The following RC3H2 variants were observed in gnomAD, a reference collection of about 807,000 sequenced individuals.
RC3H2 encodes the protein ring finger and CCCH-type domains 2.
RC3H2 carries 31 observed loss-of-function variants against 133.3 expected under a neutral mutation model. The observed-to-expected ratio is 0.23, with a 90% CI of 0.17 to 0.31. The LOEUF (loss-of-function observed/expected upper bound fraction) is 0.31. Among genes scored for constraint, RC3H2 ranks in the 10% least tolerant of loss-of-function variants. The pLI is 1.00. For synonymous variants in RC3H2, 517 were observed against 502.2 expected (o/e 1.03, Z -0.40); for missense variants, 1,175 against 1,437.2 (o/e 0.82, Z 2.95).
intron 18 of RC3H2, among the ~76,000 whole-genome samples, chr9:122,852,682 C>T (rs1301855887): frequency 1.9e-3 from 277 of 148,604 alleles, no homozygotes; most frequent in African/African-American, 6.0e-3. Flanking sequence ...AGGTGAGGGG[C>T]GCCTCTGCCC....
chr9:122,867,596 C>G (rs1313335638), intron 9 of RC3H2, among the ~76,000 whole-genome samples: 2 of 123,126 alleles, frequency 1.6e-5, no homozygotes. Context: ...TCTGCCCGGC[C>G]GCCATCCCAT....
intron 1 of RC3H2, among the ~76,000 whole-genome samples, chr9:122,904,471 T>A (rs965137274): frequency 1.3e-5 from 2 of 152,186 alleles, no homozygotes; most frequent in Non-Finnish European, 2.9e-5. Context: ...TCTTCTAAGA[T>A]GGTGGAAGAG....
At chr9:122,890,212 T>C (rs2131485711) in intron 4 of RC3H2, 100 bp downstream of exon 4, 3 of 816,006 alleles carry the variant, frequency 3.7e-6, no homozygotes, top group Non-Finnish European at 6.2e-6. Context: ...GATTTGTACA[T>C]ATAAAGACGG....
At chr9:122,877,668 T>G (rs1831400661) in intron 8 of RC3H2, 85 bp from the exon 9 acceptor site, 2 of 942,596 alleles carry the variant, frequency 2.1e-6, no homozygotes, top group Non-Finnish European at 3.4e-6. Flanking sequence ...ACTTTATAAT[T>G]ACACCTTTAA....
chr9:122,896,576 C>T (rs1832428664), intron 2 of RC3H2, among the ~76,000 whole-genome samples: 2 of 152,098 alleles, frequency 1.3e-5, no homozygotes, highest in South Asian at 4.1e-4. Context: ...TCGCAGAATA[C>T]AATCATGAAA....
intron 3 of RC3H2, among the ~76,000 whole-genome samples, chr9:122,892,690 G>T (rs1832236237): frequency 1.3e-5 from 2 of 151,988 alleles, no homozygotes; most frequent in South Asian, 4.2e-4. Context: ...GGATTACAGG[G>T]GTGAGCCACC....
chr9:122,851,837 C>T (rs541472122), intron 18 of RC3H2, among the ~76,000 whole-genome samples: 1,560 of 152,322 alleles, frequency 0.01, 5 homozygotes, highest in Non-Finnish European at 0.015. Context: ...GGCGTGATCT[C>T]GGCTCGCTAC....
chr9:122,903,374 T>C (rs748439839), intron 1 of RC3H2, among the ~76,000 whole-genome samples: 11 of 152,244 alleles, frequency 7.2e-5, no homozygotes, highest in East Asian at 1.9e-4. Context: ...TTAGCGTTCT[T>C]AGCTATTGCA....
intron 2 of RC3H2, among the ~76,000 whole-genome samples, chr9:122,895,162 T>A: frequency 6.9e-6 from 1 of 144,340 alleles, no homozygotes; most frequent in East Asian, 2.2e-4. Context: ...GTAGCTAGGT[T>A]TTTTTTTTTT....
At chr9:122,869,275 C>T (rs1830947532) in intron 9 of RC3H2, among the ~76,000 whole-genome samples, 1 of 151,966 alleles carries the variant, frequency 6.6e-6, no homozygotes, top group Admixed American at 6.6e-5. Flanking sequence ...TATTTGGTGT[C>T]ATAATTATAT....
At chr9:122,851,607 C>T in intron 18 of RC3H2, 171 bp from the exon 19 acceptor site, 1 of 831,566 alleles carries the variant, frequency 1.2e-6, no homozygotes, top group Non-Finnish European at 1.8e-6. Context: ...CCTGATTCTC[C>T]TGCCTCAGCC....
At position 122,897,546 on chromosome 9, in the gene RC3H2, A is replaced by G; in HGVS notation, c.-37T>C. 6.3e-7 allele frequency: 1 copy of G among 1,587,502 alleles called. No homozygotes were observed. Among genetic ancestry groups the G allele is most frequent in the Non-Finnish European group, 8.6e-7 (1 of 1,163,996 alleles). On this transcript the variant is annotated 5_prime_UTR_variant, in exon 2 of 21. Transcript: ENST00000357244. ...GATGCTCGGGTTAGCAGTCTAGCAG[A>G]TCATTATTTTGCTGTGTAGTGTTTT...
chr9:122,874,910 CTGTT>C (rs1408613488), intron 9 of RC3H2: 6 of 349,824 alleles, frequency 1.7e-5, no homozygotes, highest in Non-Finnish European at 2.6e-5. Flanking sequence ...AATGTGAAGT[CTGTT>C]TGAAGGTATG....
At chr9:122,854,108 GAA>G (rs752217691) in intron 17 of RC3H2, 22 bp from the exon 18 acceptor site, 1 of 1,612,082 alleles carries the variant, frequency 6.2e-7, no homozygotes, top group Non-Finnish European at 8.5e-7. Flanking sequence ...GGGAAAAAAA[GAA>G]AAGTTAGCTT....
At chr9:122,874,240 C>T (rs1831237372) in intron 9 of RC3H2, 2 of 152,020 alleles carry the variant, frequency 1.3e-5, no homozygotes, top group Non-Finnish European at 2.9e-5. Context: ...ACAAAGTATA[C>T]AAATGGCAGA....
intron 4 of RC3H2, among the ~76,000 whole-genome samples, chr9:122,885,267 A>G (rs1831866578): frequency 6.6e-6 from 1 of 152,236 alleles, no homozygotes; most frequent in Non-Finnish European, 1.5e-5. Flanking sequence ...AGAATAACAA[A>G]TATGGCAAAA....
intron 1 of RC3H2, among the ~76,000 whole-genome samples, chr9:122,900,408 C>A (rs950997217): frequency 1.2e-4 from 18 of 152,148 alleles, no homozygotes; most frequent in African/African-American, 4.1e-4. Flanking sequence ...TCAGTAAATC[C>A]TAGATTCCTT....
intron 10 of RC3H2, among the ~76,000 whole-genome samples, chr9:122,862,835 C>T (rs1482398697): frequency 7.1e-6 from 1 of 140,598 alleles, no homozygotes; most frequent in Non-Finnish European, 1.5e-5. Flanking sequence ...GTGGAGGTTG[C>T]AGTGAGCCGA....
In RC3H2 at chr9:122,854,234, T is replaced by C. The variant is rs780708404; in HGVS notation, c.2933A>G (p.His978Arg). The change falls in exon 17 of 21, where the codon CAT (histidine) becomes CGT (arginine). Residue 978 changes from histidine to arginine, a missense_variant. Physicochemically the swap from His to Arg is conservative, Grantham distance 29 (BLOSUM62 0). This residue lies in a region of RC3H2 where 138 missense variants were observed against 215.0 expected (regional missense o/e 0.64). Transcript: ENST00000357244. ...GTCCCCAGTACTGGAATGCTTTCTA[T>C]GACCAGATAAATCAGTAACAATGAA... is the stretch of plus-strand genomic sequence containing the variant. ...DRFIVTDLSG[H>R]RKHSSTGDLL... The C allele has an allele frequency of 1.5e-5, 25 of 1,613,680 alleles. No individual in the cohort carries two copies. The highest frequency in any genetic ancestry group is 2.0e-5 in the Non-Finnish European group (24 of 1,179,876).
Sources: allele counts gnomAD v4.1 joint callset (sites outside exome capture counted in the v4.1 genomes callset), GRCh38; gene constraint gnomAD v4.1.1; regional missense constraint gnomAD v4.1.1; transcripts MANE v1.5; gene names NCBI Gene and HGNC (gene_info 2026-07-23, HGNC 2026-07-21).